Variants in CLEC1A observed in about 807,000 individuals in gnomAD.
CLEC1A encodes the protein C-type lectin domain family 1 member A.
Under a neutral mutation model 28.7 loss-of-function variants are expected in CLEC1A, and 34 were observed. The observed-to-expected ratio is 1.18, with a 90% confidence interval of 0.90 to 1.57. The LOEUF is 1.57. CLEC1A is among the 40% of genes most tolerant of loss of function. The probability of loss-of-function intolerance (pLI) is 0.00; values close to 1 mark genes in which losing one functional copy is unlikely to be tolerated. For synonymous variants in CLEC1A, 116 were observed against 121.0 expected (o/e 0.96, Z 0.27); for missense variants, 385 against 339.5 (o/e 1.13, Z -1.05).
intron 3 of CLEC1A, among the ~76,000 whole-genome samples, chr12:10,080,624 G>A (rs1866347941): frequency 6.6e-6 from 1 of 152,150 alleles, no homozygotes; most frequent in African/African-American, 2.4e-5. Flanking sequence ...GAATAAAGTG[G>A]ATTATCACAA....
intron 2 of CLEC1A, chr12:10,084,471 C>T (rs1003569863): frequency 6.6e-6 from 1 of 152,104 alleles, no homozygotes; most frequent in Non-Finnish European, 1.5e-5. Flanking sequence ...AAAAGATTAT[C>T]GCCTAGGTAA....
intron 3 of CLEC1A, 32 bp downstream of exon 3, chr12:10,081,205 A>G: frequency 6.7e-7 from 1 of 1,494,818 alleles, no homozygotes; most frequent in Non-Finnish European, 8.9e-7. Flanking sequence ...TTTCCAGACA[A>G]CATGGGGACA....
At chr12:10,090,299 T>A (rs570274179) in intron 1 of CLEC1A, among the ~76,000 whole-genome samples, 1 of 152,200 alleles carries the variant, frequency 6.6e-6, no homozygotes, top group Non-Finnish European at 1.5e-5. Flanking sequence ...TTTTCCAGGC[T>A]GGAGTGCAGT....
chr12:10,095,749 T>C (rs1947768270), intron 1 of CLEC1A, among the ~76,000 whole-genome samples: 4 of 152,216 alleles, frequency 2.6e-5, no homozygotes, highest in Admixed American at 2.6e-4. Flanking sequence ...GTCATTATCA[T>C]TGACTTTTCT....
chr12:10,093,181 C>T (rs1274381517), intron 1 of CLEC1A, among the ~76,000 whole-genome samples: 1 of 151,964 alleles, frequency 6.6e-6, no homozygotes, highest in Non-Finnish European at 1.5e-5. Context: ...CAGGGATCAC[C>T]CTCACCCTAA....
chr12:10,088,451 G>GAACTGTTCAAAGAACAGTTAAAAT (rs2137361547), intron 2 of CLEC1A, among the ~76,000 whole-genome samples: 1 of 13,550 alleles, frequency 7.4e-5, no homozygotes, highest in East Asian at 4.7e-4. Flanking sequence ...ACAGTTAAAA[G>GAACTGTTCAAAGAACAGTTAAAAT]AACTGTTCAA....
chr12:10,072,042 G>T (rs987210874), intron 5 of CLEC1A, among the ~76,000 whole-genome samples: 4 of 152,162 alleles, frequency 2.6e-5, no homozygotes, highest in African/African-American at 9.7e-5. Context: ...TGGAGATGGG[G>T]CCTGGTGGGA....
chr12:10,096,271 C>T (rs1244684713), intron 1 of CLEC1A, among the ~76,000 whole-genome samples: 1 of 152,164 alleles, frequency 6.6e-6, no homozygotes, highest in Non-Finnish European at 1.5e-5. Flanking sequence ...TCAGCACCAT[C>T]TACATTACAT....
chr12:10,082,171 A>C (rs1866386974), intron 2 of CLEC1A, among the ~76,000 whole-genome samples: 1 of 152,200 alleles, frequency 6.6e-6, no homozygotes, highest in Admixed American at 6.5e-5. Context: ...TCCAGGGGGC[A>C]AAGAGGAACT....
chr12:10,094,705 T>C (rs779348474), intron 1 of CLEC1A, among the ~76,000 whole-genome samples: 3 of 152,168 alleles, frequency 2.0e-5, no homozygotes, highest in Non-Finnish European at 2.9e-5. Context: ...TCTGGAATCA[T>C]AGAATGACAG....
rs886193752 is a variant in CLEC1A, at chr12:10,070,201, A to G, written c.*1132T>C. Reference sequence around the variant, plus strand: ...CATGACCTGACTGGAAATCATGTGCACTAATGCAACTCAGCTTCCTCATCA... The same window carrying G: ...CATGACCTGACTGGAAATCATGTGCGCTAATGCAACTCAGCTTCCTCATCA... On this transcript the variant is annotated 3_prime_UTR_variant, in exon 6 of 6. Coordinates refer to ENST00000315330, the MANE Select transcript of CLEC1A (RefSeq NM_016511.4). 6.6e-6 allele frequency: 1 copy of G among 152,246 alleles called. No individual in the cohort carries two copies. Among genetic ancestry groups the G allele is most frequent in the Non-Finnish European group, 1.5e-5 (1 of 68,044 alleles). The allele number at this position is 152,246 out of a possible 1,614,324, so 9.4% of individuals were successfully genotyped here.
At position 10,098,058 on chromosome 12, in the gene CLEC1A, GTTT is replaced by G. The variant is rs56398650; in HGVS notation, c.115+747_115+749del. Among the ~76,000 whole-genome samples the G allele has an allele frequency of 1.5e-4, 22 of 150,520 alleles. No individual in the cohort carries two copies. In the East Asian group the frequency reaches 1.6e-3, roughly 11 times the overall value. On this transcript the variant is annotated intron_variant, in intron 1 of 5. Coordinates refer to ENST00000315330, the MANE Select transcript of CLEC1A (RefSeq NM_016511.4). Reference sequence around the variant, plus strand: ...TGATAAAGAAATAAGGAACAGGATAGTTTTTTTTTTTTAAAGGTATATCCAGAT... The same window carrying G: ...TGATAAAGAAATAAGGAACAGGATAGTTTTTTTTTAAAGGTATATCCAGAT...
At chr12:10,097,870 T>C (rs1387957184) in intron 1 of CLEC1A, among the ~76,000 whole-genome samples, 2 of 106,178 alleles carry the variant, frequency 1.9e-5, no homozygotes, top group East Asian at 4.8e-4. Context: ...TTCAAAGAGG[T>C]TGGAAATCCC....
chr12:10,088,504 T>C (rs992426049), intron 2 of CLEC1A, among the ~76,000 whole-genome samples: 3 of 114,728 alleles, frequency 2.6e-5, no homozygotes, highest in Non-Finnish European at 5.9e-5. Flanking sequence ...TATTCAGCTG[T>C]TTAGGAAACA....
intron 1 of CLEC1A, among the ~76,000 whole-genome samples, chr12:10,090,343 C>T (rs1461848773): frequency 6.6e-6 from 1 of 152,178 alleles, no homozygotes; most frequent in Non-Finnish European, 1.5e-5. Context: ...CCTCCGCCTC[C>T]AAGGTTCAAG....
At chr12:10,086,360 T>A (rs1866492064) in intron 2 of CLEC1A, among the ~76,000 whole-genome samples, 1 of 144,062 alleles carries the variant, frequency 6.9e-6, no homozygotes. Context: ...CTAAATGATA[T>A]TGAAATGAAA....
intron 4 of CLEC1A, among the ~76,000 whole-genome samples, chr12:10,074,563 G>A (rs556932597): frequency 5.9e-5 from 9 of 152,302 alleles, no homozygotes; most frequent in African/African-American, 2.2e-4. Flanking sequence ...ACCTGAGTTT[G>A]CAGTGTATGC....
intron 2 of CLEC1A, among the ~76,000 whole-genome samples, chr12:10,085,588 T>C (rs1443531947): frequency 6.9e-6 from 1 of 145,488 alleles, no homozygotes; most frequent in Non-Finnish European, 1.5e-5. Context: ...CATTATATAG[T>C]GATAAAAGGA....
chr12:10,074,344 A>G (rs1866204863), intron 4 of CLEC1A, among the ~76,000 whole-genome samples: 1 of 152,220 alleles, frequency 6.6e-6, no homozygotes, highest in South Asian at 2.1e-4. Flanking sequence ...ACCAAGCAAT[A>G]GTCGTAGAGT....
Sources: allele counts gnomAD v4.1 joint callset (sites outside exome capture counted in the v4.1 genomes callset), GRCh38; gene constraint gnomAD v4.1.1; transcripts MANE v1.5; gene names NCBI Gene and HGNC (gene_info 2026-07-23, HGNC 2026-07-21).